The following GRIP1 variants were observed in gnomAD, a reference collection of about 807,000 sequenced individuals.
The protein encoded by GRIP1 is glutamate receptor interacting protein 1.
GRIP1 carries 45 observed loss-of-function variants against 129.9 expected under a neutral mutation model. The observed-to-expected ratio is 0.35, with a 90% CI of 0.27 to 0.44. The LOEUF (loss-of-function observed/expected upper bound fraction) is 0.44. Among genes scored for constraint, GRIP1 ranks in the 20% least tolerant of loss-of-function variants. GRIP1 has a pLI of 1.00. For synonymous variants in GRIP1, 530 were observed against 520.8 expected (o/e 1.02, Z -0.24); for missense variants, 1,196 against 1,396.8 (o/e 0.86, Z 2.29).
intron 2 of GRIP1, among the ~76,000 whole-genome samples, chr12:66,577,218 G>A (rs2063168192): frequency 6.6e-6 from 1 of 152,220 alleles, no homozygotes; most frequent in African/African-American, 2.4e-5. Context: ...TGACTTTGGG[G>A]AAGCTCAGAA....
chr12:67,030,963 T>C (rs1055231939), intron 1 of GRIP1, among the ~76,000 whole-genome samples: 1 of 152,034 alleles, frequency 6.6e-6, no homozygotes, highest in African/African-American at 2.4e-5. Context: ...GAGCTGGAGA[T>C]GATAGGGATT....
At chr12:66,379,698 G>A (rs1019048000) in intron 19 of GRIP1, among the ~76,000 whole-genome samples, 5 of 152,082 alleles carry the variant, frequency 3.3e-5, no homozygotes, top group Non-Finnish European at 7.4e-5. Flanking sequence ...TTAGAACAGT[G>A]GTTTCAAGTA....
chr12:66,393,703 T>G (rs1339192358), intron 17 of GRIP1, among the ~76,000 whole-genome samples: 1 of 152,106 alleles, frequency 6.6e-6, no homozygotes, highest in Non-Finnish European at 1.5e-5. Context: ...TGTACATCAT[T>G]GCCAAAGGAA....
intron 1 of GRIP1, among the ~76,000 whole-genome samples, chr12:67,011,837 A>G (rs1296696498): frequency 6.6e-6 from 1 of 152,176 alleles, no homozygotes. Flanking sequence ...GACAGTAAAT[A>G]TTTTAGGCTT....
intron 1 of GRIP1, among the ~76,000 whole-genome samples, chr12:66,654,232 C>A (rs1004782717): frequency 6.6e-6 from 1 of 151,946 alleles, no homozygotes; most frequent in Non-Finnish European, 1.5e-5. Flanking sequence ...AAAAAAATCA[C>A]AAAATGACTA....
chr12:66,534,860 ATTTTTGTGT>A (rs1565837435), intron 4 of GRIP1, among the ~76,000 whole-genome samples: 1 of 151,902 alleles, frequency 6.6e-6, no homozygotes, highest in Non-Finnish European at 1.5e-5. Context: ...TGCCTGGCTA[ATTTTTGTGT>A]TTTTAGTAGA....
At chr12:66,689,512 C>T (rs553208746) in intron 1 of GRIP1, among the ~76,000 whole-genome samples, 1 of 152,220 alleles carries the variant, frequency 6.6e-6, no homozygotes, top group Admixed American at 6.5e-5. Flanking sequence ...GCAGGAGAAA[C>T]ATTTTTACCT....
At chr12:66,977,778 T>C (rs1279771365) in intron 1 of GRIP1, among the ~76,000 whole-genome samples, 1 of 151,638 alleles carries the variant, frequency 6.6e-6, no homozygotes, top group African/African-American at 2.4e-5. Flanking sequence ...GTCTTCTTTT[T>C]ATTACTATAG....
chr12:66,385,823 T>G (rs1163515609), intron 19 of GRIP1, among the ~76,000 whole-genome samples: 1 of 152,134 alleles, frequency 6.6e-6, no homozygotes, highest in East Asian at 1.9e-4. Context: ...TTGGCCAGGC[T>G]GATTTCGAAC....
intron 16 of GRIP1, among the ~76,000 whole-genome samples, chr12:66,404,630 T>C (rs1592779549): frequency 6.6e-6 from 1 of 152,184 alleles, no homozygotes; most frequent in Admixed American, 6.5e-5. Context: ...TACTTGTTAT[T>C]TTAACTATGT....
At chr12:66,840,321 C>T (rs959853373) in intron 1 of GRIP1, among the ~76,000 whole-genome samples, 1 of 152,094 alleles carries the variant, frequency 6.6e-6, no homozygotes, top group East Asian at 1.9e-4. Flanking sequence ...TATTAAGGAA[C>T]AATAATGAGC....
At position 66,432,709 on chromosome 12, in the gene GRIP1, T is replaced by C; in HGVS notation, c.1688-81A>G. ...ATCAATAAAAATGCATTAGGAATAC[T>C]TGTATCATAATCATATGTAGCTAAA... On this transcript the variant is annotated intron_variant, in intron 13 of 24. Coordinates refer to ENST00000359742, the MANE Select transcript of GRIP1 (RefSeq NM_001366722.1). 1.0e-5 allele frequency: 8 copies of C among 799,744 alleles called. No individual in the cohort carries two copies. The South Asian group carries it at 1.1e-4, about 11-fold the overall frequency. The allele number at this position is 799,744 out of a possible 1,614,324, so 49.5% of individuals were successfully genotyped here. A position where few individuals can be genotyped will look rare whatever the true frequency, so the allele number is the denominator to read the frequency against.
rs547730243 is a variant in GRIP1 at position 66,707,126 on chromosome 12, A to G, written c.-419-76790T>C. On this transcript the variant is annotated intron_variant, in intron 1 of 4. Transcript: ENST00000538373. ...AAACTCAGCCACCTTTCAACTTGCA[A>G]ACTGGCTCCCCATGCATAAAGCTGT... Among the ~76,000 whole-genome samples the G allele has an allele frequency of 3.9e-5, 6 of 152,044 alleles. No homozygotes were observed. The South Asian group carries it at 1.2e-3, about 32-fold the overall frequency.
intron 1 of GRIP1, among the ~76,000 whole-genome samples, chr12:66,977,450 A>T (rs2137603707): frequency 6.6e-6 from 1 of 152,236 alleles, no homozygotes; most frequent in African/African-American, 2.4e-5. Context: ...AAGTGTACAA[A>T]TGATTAGGTG....
chr12:66,909,127 A>C (rs761082325), intron 1 of GRIP1, among the ~76,000 whole-genome samples: 1 of 151,894 alleles, frequency 6.6e-6, no homozygotes, highest in Non-Finnish European at 1.5e-5. Flanking sequence ...CTTTTTGAAA[A>C]ATCTCCTTCC....
chr12:66,460,813 T>A (rs747720717), intron 9 of GRIP1, among the ~76,000 whole-genome samples: 7 of 152,224 alleles, frequency 4.6e-5, no homozygotes, highest in Non-Finnish European at 8.8e-5. Context: ...ACTCCACTAG[T>A]CAAAAATTTG....
In GRIP1 at chr12:66,372,883, G is replaced by A. The variant is rs61925896; in HGVS notation, c.2779-956C>T. ...GTACTCCTGGGTATAATAGTATAAA[G>A]GTAAACTAGCATTGGTAAATCTTCC... is the stretch of plus-strand genomic sequence containing the variant. On this transcript the variant is annotated intron_variant, in intron 22 of 24. Transcript: ENST00000359742. Among the ~76,000 whole-genome samples the A allele has an allele frequency of 4.8e-3, 736 of 152,212 alleles. 4 individuals carry two copies. The highest frequency in any genetic ancestry group is 7.0e-3 in the Non-Finnish European group (479 of 68,014).
intron 1 of GRIP1, among the ~76,000 whole-genome samples, chr12:66,787,651 C>T (rs1566022303): frequency 6.6e-6 from 1 of 152,078 alleles, no homozygotes; most frequent in Non-Finnish European, 1.5e-5. Flanking sequence ...CATGTAAGGA[C>T]ACAGCTAGAA....
At chr12:66,547,777 A>T (rs1308823287) in intron 2 of GRIP1, among the ~76,000 whole-genome samples, 1 of 152,124 alleles carries the variant, frequency 6.6e-6, no homozygotes, top group Non-Finnish European at 1.5e-5. Context: ...GGCAGGAGGG[A>T]AGTGGATGCA....
Sources: gnomAD v4.1 joint callset for allele counts (sites outside exome capture counted in the v4.1 genomes callset) on GRCh38, gnomAD v4.1.1 for gene constraint, MANE v1.5 for transcripts, NCBI Gene and HGNC (gene_info 2026-07-23, HGNC 2026-07-21) for gene names.